Variants in TEX14 observed in about 807,000 individuals in gnomAD.
TEX14 encodes the protein inactive serine/threonine-protein kinase TEX14.
A neutral mutation model predicts 178.6 loss-of-function variants in TEX14; 168 were observed. The observed-to-expected ratio is 0.94, with a 90% CI of 0.83 to 1.07. TEX14 has a LOEUF of 1.07. TEX14 is among the 50% of genes least tolerant of loss of function. TEX14 has a pLI of 0.00. For synonymous variants in TEX14, 626 were observed against 634.1 expected, an observed-to-expected ratio of 0.99 and a Z score of 0.19; for missense variants, 1,730 against 1,753.6, an observed-to-expected ratio of 0.99 and a Z score of 0.24.
At chr17:58,683,635 C>T (rs559741164) in intron 1 of TEX14, among the ~76,000 whole-genome samples, 5 of 149,328 alleles carry the variant, frequency 3.3e-5, no homozygotes, top group Non-Finnish European at 6.0e-5. Flanking sequence ...TAGTGGCTCA[C>T]GCCCGTAATC....
intron 5 of TEX14, among the ~76,000 whole-genome samples, chr17:58,620,525 GCT>G (rs1440107954): frequency 6.6e-6 from 1 of 151,538 alleles, no homozygotes; most frequent in Non-Finnish European, 1.5e-5. Context: ...ACAGTGTGTT[GCT>G]CTGTCACCCA....
intron 14 of TEX14, among the ~76,000 whole-genome samples, chr17:58,596,856 C>T (rs981797191): frequency 2.0e-5 from 3 of 152,206 alleles, no homozygotes; most frequent in East Asian, 3.9e-4. Flanking sequence ...GCGGGAGGAT[C>T]GCTTGAGTCC....
intron 1 of TEX14, among the ~76,000 whole-genome samples, chr17:58,666,900 C>T (rs1321561536): frequency 6.6e-6 from 1 of 152,172 alleles, no homozygotes; most frequent in East Asian, 1.9e-4. Context: ...CTTTAATCTA[C>T]ATACTCCACC....
chr17:58,605,404 G>C (rs538144474), intron 10 of TEX14, among the ~76,000 whole-genome samples: 5 of 152,314 alleles, frequency 3.3e-5, no homozygotes, highest in Admixed American at 2.0e-4. Flanking sequence ...ATGTTGGCCA[G>C]GCTCGTGGGT....
chr17:58,691,041 GAC>G (rs778424935), intron 1 of TEX14, among the ~76,000 whole-genome samples: 1 of 152,140 alleles, frequency 6.6e-6, no homozygotes, highest in South Asian at 2.1e-4. Context: ...TTTTGGTACA[GAC>G]AGTGTTTCGC....
intron 2 of TEX14, 22 bp downstream of exon 2, chr17:58,651,844 G>A: frequency 6.3e-7 from 1 of 1,589,878 alleles, no homozygotes; most frequent in Admixed American, 1.8e-5. Flanking sequence ...AGGTGCATCT[G>A]CCATCTCAAC....
chr17:58,637,758 A>G (rs2144600364), intron 2 of TEX14, among the ~76,000 whole-genome samples: 1 of 152,192 alleles, frequency 6.6e-6, no homozygotes, highest in Non-Finnish European at 1.5e-5. Flanking sequence ...CCTGAGTTCT[A>G]TGAGCCACTC....
chr17:58,641,582 C>T (rs2046578959), intron 2 of TEX14, among the ~76,000 whole-genome samples: 1 of 151,506 alleles, frequency 6.6e-6, no homozygotes, highest in Non-Finnish European at 1.5e-5. Context: ...CTTACTGCAA[C>T]CTCCCACTCC....
At chr17:58,619,205 G>C (rs2045941645) in intron 5 of TEX14, among the ~76,000 whole-genome samples, 1 of 152,212 alleles carries the variant, frequency 6.6e-6, no homozygotes, top group Non-Finnish European at 1.5e-5. Flanking sequence ...CTTTGGAGGG[G>C]AGAGTTCTTT....
chr17:58,597,571 C>T (rs899046179), intron 14 of TEX14, among the ~76,000 whole-genome samples: 2 of 152,072 alleles, frequency 1.3e-5, no homozygotes, highest in African/African-American at 4.8e-5. Context: ...CCTCTCCCAC[C>T]CCACCCGCAT....
In TEX14 at chr17:58,577,430, T is replaced by C. The variant is rs764328474; in HGVS notation, c.3265A>G (p.Ile1089Val). 9.3e-6 allele frequency: 14 copies of C among 1,504,342 alleles called. No individual in the cohort carries two copies. Among genetic ancestry groups the C allele is most frequent in the South Asian group, 2.6e-5 (2 of 75,852 alleles). 93.2% of individuals were successfully genotyped at this position (1,504,342 alleles called of 1,614,324 possible). ...AAAATCTCAGCATTCTTTCCAAGAA[T>C]TTTTCTCATTTGGAACTTTTCCTCA... ...SGEEKFQMRK[I>V]LGKNAEILPR... is the part of the protein sequence containing the mutation. The change falls in exon 21 of 32, where the codon ATT becomes GTT. Residue 1089 changes from isoleucine to valine, a missense_variant. Ile to Val is a conservative substitution (Grantham distance 29). Transcript: ENST00000349033.
At chr17:58,687,208 C>A (rs149115061) in intron 1 of TEX14, among the ~76,000 whole-genome samples, 3 of 152,076 alleles carry the variant, frequency 2.0e-5, no homozygotes, top group African/African-American at 7.2e-5. Flanking sequence ...TTATCCACTG[C>A]GACATCTAGA....
intron 21 of TEX14, among the ~76,000 whole-genome samples, chr17:58,576,311 C>A (rs1285510722): frequency 6.6e-6 from 1 of 152,152 alleles, no homozygotes; most frequent in Non-Finnish European, 1.5e-5. Context: ...CATGGTGAAA[C>A]CCCATCTCTA....
chr17:58,610,812 G>A (rs1371895458), intron 10 of TEX14, among the ~76,000 whole-genome samples: 2 of 152,046 alleles, frequency 1.3e-5, no homozygotes, highest in African/African-American at 4.8e-5. Context: ...CTTGAACCCA[G>A]GAGGCGGAGG....
chr17:58,581,502 A>C, intron 19 of TEX14: 5 of 1,268,812 alleles, frequency 3.9e-6, no homozygotes, highest in Non-Finnish European at 5.5e-6. Flanking sequence ...GGTATAAAAA[A>C]TCCTGGTAGA....
intron 13 of TEX14, among the ~76,000 whole-genome samples, chr17:58,599,958 C>T (rs1598373842): frequency 6.6e-6 from 1 of 152,082 alleles, no homozygotes; most frequent in Admixed American, 6.6e-5. Context: ...TCCAAACATG[C>T]ATAACTGTCA....
At chr17:58,665,812 G>T (rs891235726) in intron 1 of TEX14, among the ~76,000 whole-genome samples, 1 of 152,020 alleles carries the variant, frequency 6.6e-6, no homozygotes, top group Non-Finnish European at 1.5e-5. Flanking sequence ...TTGGGAGGCC[G>T]AGGAGGGTGG....
Position 58,622,950 on chromosome 17 carries a change from AG to A in TEX14, c.313del (p.Ser106AlafsTer25), listed in dbSNP as rs1363357798. The A allele has an allele frequency of 1.9e-6, 3 of 1,612,232 alleles. No homozygotes were observed. Among genetic ancestry groups the A allele is most frequent in the Non-Finnish European group, 2.5e-6 (3 of 1,178,348 alleles). On this transcript the variant is annotated frameshift_variant, in exon 4 of 32. Coordinates refer to ENST00000349033, the MANE Select transcript of TEX14 (RefSeq NM_031272.5). LOFTEE classifies it high-confidence loss of function. The stretch of plus-strand genomic sequence containing the variant: ...ACCTCCTGCATCCAGCAGTTTGCTA[AG>A]GATCCACTGATTGCCCGAAAATGCT... ...AAAFSGNQWI[L>X]SKLLDAGGDL...
rs1385664748 is a variant in TEX14 at position 58,602,559 on chromosome 17, T to G, written c.1368A>C (p.Ser456=). ...DDIPWKGLDG[S]VVKKAVVSGN... Reference sequence around the variant, plus strand: ...CCGAGACTACGGCTTTTTTAACAACTGAGCCATCTAAGCCCTTCCAGGGTA... The same window carrying G: ...CCGAGACTACGGCTTTTTTAACAACGGAGCCATCTAAGCCCTTCCAGGGTA... Residue 456 remains serine (S), a synonymous_variant, in exon 12 of 32, where the codon TCA becomes TCC. Coordinates refer to ENST00000349033, the MANE Select transcript of TEX14 (RefSeq NM_031272.5). 6.2e-7 allele frequency: 1 copy of G among 1,613,718 alleles called. No homozygotes were observed. The highest frequency in any genetic ancestry group is 1.3e-5 in the African/African-American group (1 of 74,830).
Sources: allele counts gnomAD v4.1 joint callset (sites outside exome capture counted in the v4.1 genomes callset), GRCh38; gene constraint gnomAD v4.1.1; transcripts MANE v1.5; gene names NCBI Gene and HGNC (gene_info 2026-07-23, HGNC 2026-07-21).